The following RTN4 variants were observed in gnomAD, a reference collection of about 807,000 sequenced individuals.
RTN4 encodes the protein reticulon-4.
Under a neutral mutation model 90.4 loss-of-function variants are expected in RTN4, and 32 were observed. The ratio of observed to expected loss-of-function variants is 0.35; its 90% CI spans 0.27 to 0.48. The LOEUF (loss-of-function observed/expected upper bound fraction) is 0.48, where lower values mean the gene tolerates loss of function less well. RTN4 is among the 20% of genes least tolerant of loss of function. The pLI is 0.99. For missense variants in RTN4, 1,706 were observed against 1,430.2 expected (o/e 1.19, Z -3.11); for synonymous variants, 629 against 552.5 (o/e 1.14, Z -1.94).
rs201681804 is a variant in RTN4, at chr2:55,026,112, T to C, written c.1987A>G (p.Met663Val). 1.2e-5 allele frequency: 19 copies of C among 1,613,584 alleles called. No homozygotes were observed. The highest frequency in any genetic ancestry group is 4.5e-5 in the East Asian group (2 of 44,878). ...PENPPPYEEAMSVSLKKVSGI... is the reference protein window; with the variant it reads ...PENPPPYEEAVSVSLKKVSGI... ...GATACTTTTTTTAGTGATACACTCA[T>C]GGCCTCTTCATATGGTGGGGGGTTT... The change falls in exon 3 of 9, where the codon ATG becomes GTG. Residue 663 changes from methionine (M) to valine (V), a missense_variant. Coordinates refer to ENST00000337526, the MANE Select transcript of RTN4 (RefSeq NM_020532.5).
At chr2:55,111,026 G>T (rs947081216) in intron 1 of RTN4, among the ~76,000 whole-genome samples, 8 of 152,136 alleles carry the variant, frequency 5.3e-5, no homozygotes, top group African/African-American at 1.9e-4. Flanking sequence ...GGGCAACTGA[G>T]TAAGACTGTG....
rs117646047 is a variant in RTN4, at chr2:54,979,208, A to T, written c.3360+3307T>A. Among the ~76,000 whole-genome samples, 612 of 144,098 alleles carry T rather than the reference A, an allele frequency of 4.2e-3. 28 individuals are homozygous for T. The East Asian group carries it at 0.12, about 28-fold the overall frequency. 94.5% of individuals were successfully genotyped at this position (144,098 alleles called of 152,430 possible). Reference sequence around the variant, plus strand: ...GCTGGGACTACAGGCATGGGCGACCATGGCTGGCTGATTTTTCAGTTTTTT... The same window carrying T: ...GCTGGGACTACAGGCATGGGCGACCTTGGCTGGCTGATTTTTCAGTTTTTT... On this transcript the variant is annotated intron_variant, in intron 5 of 8. Coordinates refer to ENST00000337526, the MANE Select transcript of RTN4 (RefSeq NM_020532.5).
chr2:55,119,737 C>T, the RTN4 span, among the ~76,000 whole-genome samples: 3 of 152,172 alleles, frequency 2.0e-5, no homozygotes, highest in Non-Finnish European at 2.9e-5. Flanking sequence ...AACCTTGCTC[C>T]CAGACTGCTG....
intron 1 of RTN4, among the ~76,000 whole-genome samples, chr2:55,084,734 G>A (rs1335694926): frequency 2.6e-5 from 4 of 152,002 alleles, no homozygotes; most frequent in Non-Finnish European, 5.9e-5. Context: ...CCAAGAAGTG[G>A]AGAATTGCTT....
intron 2 of RTN4, among the ~76,000 whole-genome samples, chr2:55,071,309 G>A (rs1668508407): frequency 6.6e-6 from 1 of 151,692 alleles, no homozygotes; most frequent in South Asian, 2.1e-4. Context: ...TTCTCAAATG[G>A]GAGCAATAGT....
At chr2:54,973,494 T>C (rs1677315147) in intron 8 of RTN4, 69 bp downstream of exon 8, 2 of 1,234,850 alleles carry the variant, frequency 1.6e-6, no homozygotes, top group Non-Finnish European at 2.4e-6. Context: ...GCCTGCAATA[T>C]GAAAATACTG....
At chr2:54,977,928 C>A (rs2104617453) in intron 5 of RTN4, among the ~76,000 whole-genome samples, 1 of 152,298 alleles carries the variant, frequency 6.6e-6, no homozygotes, top group East Asian at 1.9e-4. Context: ...TTGGACCAGG[C>A]ACACGGATAC....
chr2:55,022,677 T>C (rs558209293), intron 3 of RTN4, among the ~76,000 whole-genome samples: 5 of 152,228 alleles, frequency 3.3e-5, no homozygotes, highest in Non-Finnish European at 1.5e-5. Flanking sequence ...CCAAGGACTC[T>C]AACCCCAGTA....
At position 55,095,508 on chromosome 2, in the gene RTN4, A is replaced by C. The variant is rs1013070231; in HGVS notation, c.-213-14869T>G. Reference sequence around the variant, plus strand: ...TTATTAATTGAAGTCCACACTATTCAGATTTTTTTCTTTTCTTTCAGTGAA... The same window carrying C: ...TTATTAATTGAAGTCCACACTATTCCGATTTTTTTCTTTTCTTTCAGTGAA... On this transcript the variant is annotated intron_variant, in intron 1 of 3. Transcript: ENST00000427710. Among the ~76,000 whole-genome samples, 4 of 152,248 alleles carry C rather than the reference A, an allele frequency of 2.6e-5. No homozygotes were observed. The South Asian group carries it at 8.3e-4, about 32-fold the overall frequency.
intron 2 of RTN4, among the ~76,000 whole-genome samples, chr2:55,074,722 A>C (rs1668572429): frequency 6.6e-6 from 1 of 152,174 alleles, no homozygotes. Flanking sequence ...TCAAGAAGAT[A>C]ATCCACCATG....
chr2:55,020,299 A>ATAC (rs1039598097), intron 3 of RTN4, among the ~76,000 whole-genome samples: 52 of 152,338 alleles, frequency 3.4e-4, no homozygotes, highest in African/African-American at 1.3e-3. Flanking sequence ...ATTTCAAAAT[A>ATAC]TACTACACAG....
chr2:55,004,969 T>G (rs1680104066), intron 3 of RTN4, among the ~76,000 whole-genome samples: 1 of 152,092 alleles, frequency 6.6e-6, no homozygotes. Flanking sequence ...TGATAAGGAC[T>G]ACTTCAGCAA....
intron 3 of RTN4, among the ~76,000 whole-genome samples, chr2:55,013,995 CA>C (rs1680844079): frequency 6.6e-6 from 1 of 152,086 alleles, no homozygotes; most frequent in African/African-American, 2.4e-5. Context: ...AAATAAGAAA[CA>C]ATTATAGCTA....
At chr2:55,108,926 G>A (rs932164820) in intron 1 of RTN4, among the ~76,000 whole-genome samples, 2 of 152,040 alleles carry the variant, frequency 1.3e-5, no homozygotes, top group Non-Finnish European at 2.9e-5. Context: ...ACATCCCTAA[G>A]GAAACTCTGT....
chr2:54,980,175 A>G (rs1678002708), intron 5 of RTN4, among the ~76,000 whole-genome samples: 1 of 152,220 alleles, frequency 6.6e-6, no homozygotes. Context: ...AAAAAAATGT[A>G]GTTTTCAAAA....
chr2:55,050,319 ATGC>A lies in RTN4; in HGVS notation c.-22_-20del. 7.2e-7 allele frequency: 1 copy of A among 1,383,598 alleles called. No homozygotes were observed. The highest frequency in any genetic ancestry group is 9.4e-7 in the Non-Finnish European group (1 of 1,065,470). The allele number at this position is 1,383,598 out of a possible 1,614,324, so 85.7% of individuals were successfully genotyped here. On this transcript the variant is annotated 5_prime_UTR_variant, in exon 1 of 9. Transcript: ENST00000337526. The surrounding 1 kb of genome is among the most constrained non-coding windows in gnomAD (Gnocchi z 4.6). ...CTTCCATGGCTGGAGGGTGGAGATG[ATGC>A]TGCAGCTGCTGCCGCCGCCGCCGGG... is the stretch of plus-strand genomic sequence containing the variant.
chr2:55,081,997 C>T (rs1216891238), intron 1 of RTN4, among the ~76,000 whole-genome samples: 1 of 152,054 alleles, frequency 6.6e-6, no homozygotes, highest in East Asian at 1.9e-4. Context: ...CCTCATGCTG[C>T]CTTTAAATAT....
At chr2:55,136,007 C>T in the RTN4 span, among the ~76,000 whole-genome samples, 1 of 152,150 alleles carries the variant, frequency 6.6e-6, no homozygotes, top group Admixed American at 6.6e-5. Flanking sequence ...CCCCCACCTC[C>T]AGGCATGTTA....
chr2:55,025,400 A>G lies in RTN4; in HGVS notation c.2699T>C (p.Ile900Thr), dbSNP rs1436852892. The G allele has an allele frequency of 1.9e-6, 3 of 1,613,802 alleles. No individual in the cohort carries two copies. Among genetic ancestry groups the G allele is most frequent in the African/African-American group, 2.7e-5 (2 of 74,908 alleles). ...TDLEVSHKSE[I>T]ANAPDGAGSL... is the part of the protein sequence containing the mutation. ...CCCAGCTCCATCCGGGGCATTAGCA[A>G]TTTCACTTTTGTGGGATACTTCTAG... Residue 900 changes from isoleucine to threonine, a missense_variant, in exon 3 of 9, where the codon ATT becomes ACT. Coordinates refer to ENST00000337526, the MANE Select transcript of RTN4 (RefSeq NM_020532.5).
Sources: allele counts gnomAD v4.1 joint callset (sites outside exome capture counted in the v4.1 genomes callset), GRCh38; gene constraint gnomAD v4.1.1; non-coding constraint Gnocchi (gnomAD v3.1); transcripts MANE v1.5; gene names NCBI Gene and HGNC (gene_info 2026-07-23, HGNC 2026-07-21).